RAP1GAP2: variants seen among roughly 807,000 people sequenced by gnomAD.
RAP1GAP2 encodes the protein RAP1 GTPase activating protein 2.
RAP1GAP2 carries 27 observed loss-of-function variants against 95.0 expected under a neutral mutation model. That is an observed-to-expected ratio of 0.28 (90% CI 0.21 to 0.39). The LOEUF (loss-of-function observed/expected upper bound fraction) is 0.39. Among genes scored for constraint, RAP1GAP2 ranks in the 10% least tolerant of loss-of-function variants. RAP1GAP2 has a pLI of 1.00. For missense variants in RAP1GAP2, 771 were observed against 970.0 expected, an observed-to-expected ratio of 0.79 and a Z score of 2.72; for synonymous variants, 373 against 380.9, an observed-to-expected ratio of 0.98 and a Z score of 0.24.
At chr17:3,009,718 G>T (rs1221912587) in intron 17 of RAP1GAP2, among the ~76,000 whole-genome samples, 1 of 152,184 alleles carries the variant, frequency 6.6e-6, no homozygotes, top group African/African-American at 2.4e-5. Flanking sequence ...GTCCAGGCTG[G>T]TGGGTGATTC....
chr17:2,879,326 G>A (rs983291122), intron 2 of RAP1GAP2, among the ~76,000 whole-genome samples: 1 of 151,628 alleles, frequency 6.6e-6, no homozygotes, highest in Admixed American at 6.6e-5. Flanking sequence ...ATGTTGGCCA[G>A]GCTGGTTTCG....
At chr17:2,969,097 CAT>C (rs2044737818) in intron 8 of RAP1GAP2, among the ~76,000 whole-genome samples, 2 of 151,918 alleles carry the variant, frequency 1.3e-5, no homozygotes, top group Admixed American at 1.3e-4. Context: ...CATCACTTGA[CAT>C]ATCAATACTA....
intron 13 of RAP1GAP2, among the ~76,000 whole-genome samples, chr17:2,996,234 C>T (rs2151580404): frequency 6.6e-6 from 1 of 152,300 alleles, no homozygotes; most frequent in Non-Finnish European, 1.5e-5. Context: ...GGACGAGACC[C>T]CTGTCCCCAC....
intron 3 of RAP1GAP2, 39 bp downstream of exon 3, chr17:2,905,407 T>C (rs1157458150): frequency 2.5e-6 from 4 of 1,591,296 alleles, no homozygotes; most frequent in East Asian, 4.5e-5. Context: ...GAGGGGAGAG[T>C]GTGGGGAAGT....
At chr17:2,853,789 G>A (rs1177172732) in intron 2 of RAP1GAP2, among the ~76,000 whole-genome samples, 7 of 147,380 alleles carry the variant, frequency 4.7e-5, no homozygotes, top group African/African-American at 1.5e-4. Context: ...GCTGCCCCGC[G>A]GGCCCCGAGG....
rs993971018 is a variant in RAP1GAP2, at chr17:2,797,956, C to T, written c.44+1385C>T. Among the ~76,000 whole-genome samples, 8 of 152,126 alleles carry T rather than the reference C, an allele frequency of 5.3e-5. No individual in the cohort carries two copies. The highest frequency in any genetic ancestry group is 9.7e-5 in the African/African-American group (4 of 41,418). ...TGGAAGGCTGGTCGCCAGAAAGCTC[C>T]GGGTGCACAGGTCCCGGTCTCAGCC... On this transcript the variant is annotated intron_variant, in intron 1 of 24. Coordinates refer to ENST00000254695, the MANE Select transcript of RAP1GAP2 (RefSeq NM_015085.5). This position sits in a 1 kb window ranked among gnomAD's most constrained non-coding sequence, Gnocchi z 5.6.
intron 3 of RAP1GAP2, among the ~76,000 whole-genome samples, chr17:2,947,355 A>T (rs1391778400): frequency 1.3e-5 from 2 of 152,088 alleles, no homozygotes; most frequent in Non-Finnish European, 2.9e-5. Context: ...TTGGCCATCC[A>T]GGGTGAGGGG....
At chr17:3,030,846 C>A (rs2047267403) in intron 22 of RAP1GAP2, 76 bp from the exon 23 acceptor site, 2 of 1,422,580 alleles carry the variant, frequency 1.4e-6, no homozygotes, top group Non-Finnish European at 1.9e-6. Flanking sequence ...CCCCTGGCCT[C>A]CCTAGCCAGT....
chr17:2,961,420 C>T (rs2151481972), intron 4 of RAP1GAP2, among the ~76,000 whole-genome samples: 1 of 152,226 alleles, frequency 6.6e-6, no homozygotes, highest in South Asian at 2.1e-4. Context: ...GAGGCCGAGG[C>T]AGGAGAATTG....
At position 2,906,124 on chromosome 17, in the gene RAP1GAP2, T is replaced by C. The variant is rs781681458; in HGVS notation, c.165+756T>C. Among the ~76,000 whole-genome samples the C allele has an allele frequency of 1.1e-4, 17 of 149,510 alleles. No homozygotes were observed. Among genetic ancestry groups the C allele is most frequent in the Non-Finnish European group, 2.1e-4 (14 of 67,220 alleles). ...CTGCCTCCCTCCTTCCTTCACACTC[T>C]GTGGAGTGAGTGAGGACTAGTGCTG... On this transcript the variant is annotated intron_variant, in intron 3 of 24. Transcript: ENST00000254695. The surrounding 1 kb of genome is among the most constrained non-coding windows in gnomAD (Gnocchi z 4.3).
chr17:2,793,668 T>C (rs1271385697), upstream of RAP1GAP2, among the ~76,000 whole-genome samples: 1 of 152,252 alleles, frequency 6.6e-6, no homozygotes, highest in East Asian at 1.9e-4. Context: ...AGTTGGGACT[T>C]TATTAATGGA....
chr17:2,969,179 C>A (rs946800664), intron 8 of RAP1GAP2, among the ~76,000 whole-genome samples: 26 of 143,224 alleles, frequency 1.8e-4, no homozygotes, highest in African/African-American at 6.0e-4. Context: ...ATCTATCTAT[C>A]TATATATATA....
At chr17:2,775,393 T>A (rs9900917), upstream of RAP1GAP2, among the ~76,000 whole-genome samples, 52,976 of 150,494 alleles carry the variant, frequency 0.35, 9,968 homozygotes, top group South Asian at 0.49. Flanking sequence ...GAGGTGGAAG[T>A]CCTCTCCAAG....
At chr17:2,905,208 A>T (rs1396314483) in intron 2 of RAP1GAP2, 76 bp from the exon 3 acceptor site, 1 of 1,384,234 alleles carries the variant, frequency 7.2e-7, no homozygotes, top group Non-Finnish European at 1.0e-6. Context: ...ACTGTGTCCG[A>T]GAGCCCAGTC....
At chr17:2,756,706 A>G (rs1031433711) in intron 1 of RAP1GAP2, among the ~76,000 whole-genome samples, 3 of 152,166 alleles carry the variant, frequency 2.0e-5, no homozygotes, top group African/African-American at 7.2e-5. Context: ...CATACAATGA[A>G]CAATAATGTC....
intron 3 of RAP1GAP2, among the ~76,000 whole-genome samples, chr17:2,943,033 T>G (rs1239011889): frequency 6.6e-6 from 1 of 152,080 alleles, no homozygotes; most frequent in African/African-American, 2.4e-5. Context: ...CCACCCAAAG[T>G]GCTGGGATTA....
At chr17:2,758,164 T>C (rs899769354) in intron 1 of RAP1GAP2, among the ~76,000 whole-genome samples, 57 of 139,918 alleles carry the variant, frequency 4.1e-4, no homozygotes, top group Middle Eastern at 3.8e-3. Context: ...CCACCACGCC[T>C]GGCCACGCCC....
chr17:2,769,736 C>A (rs1269261226), intron 1 of RAP1GAP2, among the ~76,000 whole-genome samples: 2 of 152,178 alleles, frequency 1.3e-5, no homozygotes, highest in East Asian at 3.9e-4. Context: ...TTACTCCTTC[C>A]AAGTGACTTC....
At chr17:3,012,144 T>C (rs1182718257) in intron 17 of RAP1GAP2, among the ~76,000 whole-genome samples, 1 of 152,138 alleles carries the variant, frequency 6.6e-6, no homozygotes, top group Non-Finnish European at 1.5e-5. Context: ...ACTTCTGTCC[T>C]CCCAGCTGTA....
Sources: allele counts gnomAD v4.1 joint callset (sites outside exome capture counted in the v4.1 genomes callset), GRCh38; gene constraint gnomAD v4.1.1; non-coding constraint Gnocchi (gnomAD v3.1); transcripts MANE v1.5; gene names NCBI Gene and HGNC (gene_info 2026-07-23, HGNC 2026-07-21).